UBN2: variants seen among roughly 807,000 people sequenced by gnomAD.
The protein encoded by UBN2 is ubinuclein-2.
In UBN2, 35 loss-of-function variants were observed where a neutral mutation model predicts 120.2. The ratio of observed to expected loss-of-function variants is 0.29; its 90% CI spans 0.22 to 0.39. The LOEUF (loss-of-function observed/expected upper bound fraction) is 0.39. Among genes scored for constraint, UBN2 ranks in the 10% least tolerant of loss-of-function variants. The pLI is 1.00. For missense variants in UBN2, 1,693 were observed against 1,663.2 expected (o/e 1.02, Z -0.31); for synonymous variants, 661 against 648.7 (o/e 1.02, Z -0.29).
Position 139,231,777 on chromosome 7 carries a change from C to G in UBN2, c.293C>G (p.Pro98Arg), listed in dbSNP as rs1796019506. 7.8e-7 allele frequency: 1 copy of G among 1,279,282 alleles called. No homozygotes were observed. The highest frequency in any genetic ancestry group is 9.8e-7 in the Non-Finnish European group (1 of 1,019,034). 79.2% of individuals were successfully genotyped at this position (1,279,282 alleles called of 1,614,324 possible). Reference sequence around the variant, plus strand: ...CCCCCGCGGCCCGAGCCGCCGCCGCCGTTCCCGCCGCTGCCCTTGCAGCCG... The same window carrying G: ...CCCCCGCGGCCCGAGCCGCCGCCGCGGTTCCCGCCGCTGCCCTTGCAGCCG... ...REPPRPEPPP[P>R]FPPLPLQPPP... The change falls in exon 1 of 18, where the codon CCG becomes CGG. Residue 98 changes from proline (P) to arginine (R), a missense_variant. Physicochemically the swap from Pro to Arg is moderately radical, Grantham distance 103. This residue lies in a region of UBN2 where 663 missense variants were observed against 591.2 expected (regional missense o/e 1.12). Transcript: ENST00000473989.
chr7:139,260,787 A>T (rs550861260), intron 5 of UBN2, among the ~76,000 whole-genome samples: 2 of 152,284 alleles, frequency 1.3e-5, no homozygotes, highest in Admixed American at 1.3e-4. Context: ...AATCCCTTTT[A>T]TTGAGTGTAT....
At position 139,258,514 on chromosome 7, in the gene UBN2, A is replaced by G. The variant is rs767731256; in HGVS notation, c.690A>G (p.Leu230=). ...ATGATGAATTAGTTCCCGCTTCTCT[A>G]ACAACAAAATATGGAGGCTTTTATA... ...EAYDELVPAS[L]TTKYGGFYIN... The change falls in exon 4 of 18, where the codon CTA becomes CTG. Residue 230 remains leucine (L), a synonymous_variant. Transcript: ENST00000473989. 6.2e-7 allele frequency: 1 copy of G among 1,600,876 alleles called. No homozygotes were observed. Among genetic ancestry groups the G allele is most frequent in the Non-Finnish European group, 8.5e-7 (1 of 1,173,208 alleles).
intron 16 of UBN2, 61 bp downstream of exon 16, chr7:139,293,524 A>C (rs1451875472): frequency 3.6e-6 from 5 of 1,404,224 alleles, no homozygotes; most frequent in Non-Finnish European, 3.0e-6. Flanking sequence ...AAACCTCACA[A>C]ATTTATTCTA....
chr7:139,291,553 G>T (rs1212991804), intron 15 of UBN2, among the ~76,000 whole-genome samples: 1 of 152,050 alleles, frequency 6.6e-6, no homozygotes, highest in Non-Finnish European at 1.5e-5. Context: ...AAGTGCACAT[G>T]GAAAAGAAAA....
At chr7:139,255,076 C>G (rs1796721804) in intron 3 of UBN2, among the ~76,000 whole-genome samples, 1 of 152,142 alleles carries the variant, frequency 6.6e-6, no homozygotes, top group African/African-American at 2.4e-5. Flanking sequence ...AGTTTTGCTT[C>G]CCTTAAAATC....
rs1798330383 is a variant in UBN2, at chr7:139,304,751, C to CT, written c.*6920dup. The CT allele has an allele frequency of 7.5e-6, 1 of 134,160 alleles. No individual in the cohort carries two copies. The highest frequency in any genetic ancestry group is 8.8e-5 in the Admixed American group (1 of 11,374). 8.3% of individuals were successfully genotyped at this position (134,160 alleles called of 1,614,324 possible). A position where few individuals can be genotyped will look rare whatever the true frequency, so the allele number is the denominator to read the frequency against. The stretch of plus-strand genomic sequence containing the variant: ...TGTGTGTGTGTGTGTCTGTAAGTCA[C>CT]TTTTTGGATTTTTGTTGCTTTTTCC... On this transcript the variant is annotated 3_prime_UTR_variant, in exon 18 of 18. Transcript: ENST00000473989.
rs1319746634 is a variant in UBN2, at chr7:139,298,511, G to T, written c.*675G>T. The T allele has an allele frequency of 6.6e-6, 1 of 152,024 alleles. No individual in the cohort carries two copies. The highest frequency in any genetic ancestry group is 2.4e-5 in the African/African-American group (1 of 41,380). 9.4% of individuals were successfully genotyped at this position (152,024 alleles called of 1,614,324 possible). On this transcript the variant is annotated 3_prime_UTR_variant, in exon 18 of 18. Transcript: ENST00000473989. ...AATCATCTAGATTTTTAAAAATCAGGAAGTTGAGCCTGTTGCTCTTAAGAG... is the reference window on the plus strand; with the variant it reads ...AATCATCTAGATTTTTAAAAATCAGTAAGTTGAGCCTGTTGCTCTTAAGAG...
At chr7:139,290,748 G>A (rs1197950085) in intron 15 of UBN2, among the ~76,000 whole-genome samples, 2 of 152,170 alleles carry the variant, frequency 1.3e-5, no homozygotes, top group Non-Finnish European at 2.9e-5. Context: ...ACAAATAAAG[G>A]AGAACAGGGG....
At chr7:139,310,729 T>G (rs1053782653), downstream of UBN2, among the ~76,000 whole-genome samples, 6 of 152,156 alleles carry the variant, frequency 3.9e-5, no homozygotes, top group African/African-American at 1.2e-4. Context: ...GCCGAGATCG[T>G]GCTACTGCAC....
At position 139,300,928 on chromosome 7, in the gene UBN2, A is replaced by C. The variant is rs1563232819; in HGVS notation, c.*3092A>C. ...TAATTTCCATTATAATTCAATTATA[A>C]TTCTTGTATGCTTTTGAGGTCAGAG... On this transcript the variant is annotated 3_prime_UTR_variant, in exon 18 of 18. Coordinates refer to ENST00000473989, the MANE Select transcript of UBN2 (RefSeq NM_173569.4). The C allele has an allele frequency of 6.6e-6, 1 of 152,248 alleles. No individual in the cohort carries two copies. Among genetic ancestry groups the C allele is most frequent in the Non-Finnish European group, 1.5e-5 (1 of 68,042 alleles). The allele number at this position is 152,248 out of a possible 1,614,324, so 9.4% of individuals were successfully genotyped here. A position where few individuals can be genotyped will look rare whatever the true frequency, so the allele number is the denominator to read the frequency against.
At chr7:139,292,629 G>A (rs1797993323) in intron 15 of UBN2, among the ~76,000 whole-genome samples, 1 of 152,032 alleles carries the variant, frequency 6.6e-6, no homozygotes, top group Non-Finnish European at 1.5e-5. Context: ...ATAACAGTGT[G>A]GTTATAAAAA....
chr7:139,317,668 T>C, the UBN2 span, among the ~76,000 whole-genome samples: 1 of 152,198 alleles, frequency 6.6e-6, no homozygotes, highest in Non-Finnish European at 1.5e-5. Context: ...GTTTTGGTTT[T>C]TTTTTCTTTT....
At chr7:139,321,352 T>C in the UBN2 span, among the ~76,000 whole-genome samples, 1 of 152,208 alleles carries the variant, frequency 6.6e-6, no homozygotes, top group African/African-American at 2.4e-5. Context: ...CTTCAGCTCA[T>C]GCCAAATAAG....
intron 6 of UBN2, 95 bp from the exon 7 acceptor site, chr7:139,266,238 A>G (rs955479687): frequency 7.5e-6 from 6 of 799,252 alleles, no homozygotes; most frequent in African/African-American, 1.8e-5. Context: ...AAAAAAAAAA[A>G]AAAAAAAGAA....
the UBN2 span, among the ~76,000 whole-genome samples, chr7:139,324,001 A>G: frequency 6.6e-6 from 1 of 152,114 alleles, no homozygotes; most frequent in African/African-American, 2.4e-5. Flanking sequence ...CCTGGGTGAC[A>G]GCAGCAACCA....
At chr7:139,242,966 T>A (rs1245588553) in intron 2 of UBN2, among the ~76,000 whole-genome samples, 1 of 152,190 alleles carries the variant, frequency 6.6e-6, no homozygotes, top group African/African-American at 2.4e-5. Flanking sequence ...TCTTCTCACT[T>A]ATAGGACTGG....
At chr7:139,275,384 C>A (rs1344785062) in intron 11 of UBN2, among the ~76,000 whole-genome samples, 3 of 149,814 alleles carry the variant, frequency 2.0e-5, no homozygotes, top group Non-Finnish European at 4.4e-5. Flanking sequence ...GAGATTGAGA[C>A]CATCCTGGCT....
chr7:139,234,893 G>A (rs757455130), intron 1 of UBN2, among the ~76,000 whole-genome samples: 1 of 152,244 alleles, frequency 6.6e-6, no homozygotes, highest in East Asian at 1.9e-4. Context: ...GATGAGTTAA[G>A]ATCAAAGGAC....
In UBN2 at chr7:139,300,276, A is replaced by G. The variant is rs1798222912; in HGVS notation, c.*2440A>G. 6.6e-6 allele frequency: 1 copy of G among 151,988 alleles called. No homozygotes were observed. Among genetic ancestry groups the G allele is most frequent in the South Asian group, 2.1e-4 (1 of 4,822 alleles). The allele number at this position is 151,988 out of a possible 1,614,324, so 9.4% of individuals were successfully genotyped here. On this transcript the variant is annotated 3_prime_UTR_variant, in exon 18 of 18. Coordinates refer to ENST00000473989, the MANE Select transcript of UBN2 (RefSeq NM_173569.4). The stretch of plus-strand genomic sequence containing the variant: ...CTACCTTAAACCCCCACCTGCACTG[A>G]CGACTTACATTCATTTCAGTCAGGA...
Sources: gnomAD v4.1 joint callset for allele counts (sites outside exome capture counted in the v4.1 genomes callset) on GRCh38, gnomAD v4.1.1 for gene constraint, gnomAD v4.1.1 regional missense constraint, MANE v1.5 for transcripts, NCBI Gene and HGNC (gene_info 2026-07-23, HGNC 2026-07-21) for gene names.